SGCZ: variants seen among roughly 807,000 people sequenced by gnomAD.
SGCZ encodes the protein zeta-sarcoglycan.
In SGCZ, 40 loss-of-function variants were observed where a neutral mutation model predicts 41.3. That is an observed-to-expected ratio of 0.97 (90% CI 0.75 to 1.26). The LOEUF is 1.26. Among genes scored for constraint, SGCZ ranks in the 50% most tolerant of loss-of-function variants. The pLI is 0.00. For synonymous variants in SGCZ, 206 were observed against 137.5 expected (o/e 1.50, Z -3.49); for missense variants, 552 against 369.8 (o/e 1.49, Z -4.04).
intron 5 of SGCZ, among the ~76,000 whole-genome samples, chr8:14,112,600 C>T (rs1802409186): frequency 6.6e-6 from 1 of 152,080 alleles, no homozygotes; most frequent in African/African-American, 2.4e-5. Context: ...TCCCCCAAAT[C>T]TAAATTGGTA....
intron 1 of SGCZ, among the ~76,000 whole-genome samples, chr8:14,712,920 C>G (rs1037406312): frequency 6.6e-6 from 1 of 151,786 alleles, no homozygotes; most frequent in African/African-American, 2.4e-5. Flanking sequence ...AACAATAAAC[C>G]AATTAGGAGA....
intron 3 of SGCZ, among the ~76,000 whole-genome samples, chr8:14,248,893 A>T (rs140521853): frequency 1.3e-5 from 2 of 152,276 alleles, no homozygotes; most frequent in East Asian, 3.9e-4. Flanking sequence ...AAAACCAGAG[A>T]TATAATATTT....
chr8:14,852,579 GAATT>G (rs1328561676), intron 1 of SGCZ, among the ~76,000 whole-genome samples: 2 of 152,118 alleles, frequency 1.3e-5, no homozygotes, highest in Admixed American at 6.5e-5. Context: ...AAATATTCTA[GAATT>G]AATTTTCACC....
chr8:14,294,526 A>G (rs1317554131), intron 3 of SGCZ, among the ~76,000 whole-genome samples: 1 of 152,056 alleles, frequency 6.6e-6, no homozygotes, highest in African/African-American at 2.4e-5. Context: ...CAGTACCAAA[A>G]TCATGAACCA....
At chr8:14,262,813 C>A (rs1799719988) in intron 3 of SGCZ, among the ~76,000 whole-genome samples, 1 of 142,422 alleles carries the variant, frequency 7.0e-6, no homozygotes. Flanking sequence ...TCAAGTAATA[C>A]TTCAAGAAAA....
intron 1 of SGCZ, among the ~76,000 whole-genome samples, chr8:14,972,690 T>C (rs1239635173): frequency 1.3e-5 from 2 of 152,190 alleles, no homozygotes; most frequent in African/African-American, 4.8e-5. Context: ...TGCTCTAAAG[T>C]TTATGTTATT....
At chr8:14,850,671 A>G (rs1313167190) in intron 1 of SGCZ, among the ~76,000 whole-genome samples, 3 of 152,184 alleles carry the variant, frequency 2.0e-5, no homozygotes, top group Non-Finnish European at 2.9e-5. Flanking sequence ...GTACCCACCC[A>G]AATCTCATCT....
At chr8:14,218,830 A>G (rs377315687) in intron 4 of SGCZ, among the ~76,000 whole-genome samples, 19 of 152,204 alleles carry the variant, frequency 1.2e-4, no homozygotes, top group South Asian at 4.1e-4. Flanking sequence ...TGGTGGTCCA[A>G]GAAGTTTTGC....
At chr8:14,200,087 G>A (rs1189897509) in intron 4 of SGCZ, among the ~76,000 whole-genome samples, 2 of 152,090 alleles carry the variant, frequency 1.3e-5, no homozygotes, top group Admixed American at 1.3e-4. Context: ...ACATCTCCTG[G>A]CAGTGTTGGA....
At position 14,855,850 on chromosome 8, in the gene SGCZ, G is replaced by C. The variant is rs941115796; in HGVS notation, c.40-300924C>G. Among the ~76,000 whole-genome samples the C allele has an allele frequency of 2.6e-5, 4 of 152,072 alleles. No homozygotes were observed. The South Asian group carries it at 8.3e-4, about 32-fold the overall frequency. ...GTAATTCACTTGATAGAATTCTAAGGCTTTCACTTCTGATGACTCACAATG... is the reference window on the plus strand; with the variant it reads ...GTAATTCACTTGATAGAATTCTAAGCCTTTCACTTCTGATGACTCACAATG... On this transcript the variant is annotated intron_variant, in intron 1 of 7. Transcript: ENST00000382080.
At chr8:15,031,192 T>A (rs1052744944) in intron 1 of SGCZ, among the ~76,000 whole-genome samples, 1 of 152,144 alleles carries the variant, frequency 6.6e-6, no homozygotes, top group African/African-American at 2.4e-5. Flanking sequence ...GTGCATAATG[T>A]TATTAATTTT....
intron 2 of SGCZ, among the ~76,000 whole-genome samples, chr8:14,336,789 A>G (rs1317964993): frequency 6.6e-6 from 1 of 152,158 alleles, no homozygotes; most frequent in Non-Finnish European, 1.5e-5. Context: ...CAAACAAAGT[A>G]ATCATCTCTC....
chr8:14,233,133 T>C lies in SGCZ; in HGVS notation c.424+4459A>G, dbSNP rs1363016665. Among the ~76,000 whole-genome samples the C allele has an allele frequency of 4.6e-5, 7 of 152,012 alleles. No individual in the cohort carries two copies. The East Asian group carries it at 9.6e-4, about 21-fold the overall frequency. On this transcript the variant is annotated intron_variant, in intron 4 of 7. Coordinates refer to ENST00000382080, the MANE Select transcript of SGCZ (RefSeq NM_139167.4). ...ACAAAGCTAGCTCTACCAGTTAAGA[T>C]TATTCTTTTTCCAGTTTCTGAATTT...
intron 2 of SGCZ, among the ~76,000 whole-genome samples, chr8:14,502,944 G>A (rs577668642): frequency 1.3e-5 from 2 of 152,206 alleles, no homozygotes; most frequent in African/African-American, 2.4e-5. Context: ...CTCGTTACTG[G>A]GTATGTATTC....
intron 5 of SGCZ, among the ~76,000 whole-genome samples, chr8:14,122,738 C>T (rs2117038877): frequency 6.6e-6 from 1 of 152,266 alleles, no homozygotes; most frequent in East Asian, 1.9e-4. Context: ...CTCATTTCTT[C>T]TCCCCTTGTT....
intron 1 of SGCZ, among the ~76,000 whole-genome samples, chr8:14,861,395 C>A (rs1247529366): frequency 2.0e-5 from 3 of 152,066 alleles, no homozygotes; most frequent in Non-Finnish European, 4.4e-5. Flanking sequence ...GATAACTTTG[C>A]ACAGCGGTAA....
At chr8:14,386,588 C>A (rs1804586865) in intron 2 of SGCZ, among the ~76,000 whole-genome samples, 2 of 152,128 alleles carry the variant, frequency 1.3e-5, no homozygotes, top group African/African-American at 4.8e-5. Context: ...TGTAACTCAA[C>A]TTCTATGTTG....
intron 4 of SGCZ, 148 bp downstream of exon 4, chr8:14,237,444 A>C: frequency 1.5e-6 from 1 of 686,416 alleles, no homozygotes; most frequent in Non-Finnish European, 2.5e-6. Flanking sequence ...AGCCTCCCAA[A>C]GTGCACTCCA....
intron 1 of SGCZ, among the ~76,000 whole-genome samples, chr8:14,880,858 GA>G (rs1804560352): frequency 6.6e-6 from 1 of 152,044 alleles, no homozygotes; most frequent in South Asian, 2.1e-4. Flanking sequence ...TAATGTAAAT[GA>G]CGAGTTAATG....
Sources: gnomAD v4.1 joint callset for allele counts (sites outside exome capture counted in the v4.1 genomes callset) on GRCh38, gnomAD v4.1.1 for gene constraint, MANE v1.5 for transcripts, NCBI Gene and HGNC (gene_info 2026-07-23, HGNC 2026-07-21) for gene names.